The following SLC5A11 variants were observed in gnomAD, a reference collection of about 807,000 sequenced individuals.
The protein encoded by SLC5A11 is sodium/myo-inositol cotransporter 2.
Under a neutral mutation model 69.8 loss-of-function variants are expected in SLC5A11, and 48 were observed. The ratio of observed to expected loss-of-function variants is 0.69; its 90% CI spans 0.55 to 0.87. The LOEUF (loss-of-function observed/expected upper bound fraction) is 0.87, where lower values mean the gene tolerates loss of function less well. Ranked by LOEUF, SLC5A11 falls within the 40% of genes least tolerant of loss-of-function variation. The probability of loss-of-function intolerance (pLI) is 0.00; values close to 1 mark genes in which losing one functional copy is unlikely to be tolerated. For synonymous variants in SLC5A11, 319 were observed against 342.4 expected, an observed-to-expected ratio of 0.93 and a Z score of 0.75; for missense variants, 784 against 866.1, an observed-to-expected ratio of 0.91 and a Z score of 1.19.
chr16:24,872,318 C>T, intron 5 of SLC5A11, 99 bp downstream of exon 6: 1 of 1,391,038 alleles, frequency 7.2e-7, no homozygotes, highest in East Asian at 2.3e-5. Flanking sequence ...CCCTCCTGCC[C>T]ATGGTCATGT....
intron 15 of SLC5A11, 122 bp from the exon 17 acceptor site, chr16:24,911,206 T>A: frequency 9.4e-6 from 7 of 744,114 alleles, no homozygotes; most frequent in Non-Finnish European, 1.4e-5. Context: ...CAGTCGGGCA[T>A]AGTGGATGGT....
exon 9 of SLC5A11, chr16:24,890,955 G>A (rs776391529): frequency 3.1e-6 from 5 of 1,614,002 alleles, no homozygotes; most frequent in East Asian, 2.2e-5. Context: ...CAGCAGCTGC[G>A]GGCTGCCCCG....
At chr16:24,849,589 A>ATACATATATATATATATATATAT in intron 1 of SLC5A11, among the ~76,000 whole-genome samples, 1 of 63,780 alleles carries the variant, frequency 1.6e-5, no homozygotes, top group Non-Finnish European at 3.3e-5. Flanking sequence ...AAAAAAAAAA[A>ATACATATATATATATATATATAT]AAAAATATAT....
chr16:24,870,462 CACAA>C (rs965591648), intron 4 of SLC5A11, among the ~76,000 whole-genome samples: 4 of 150,396 alleles, frequency 2.7e-5, no homozygotes, highest in Non-Finnish European at 5.9e-5. Context: ...CACACACACA[CACAA>C]ACCCAAAAAA....
chr16:24,890,407 C>T (rs1407359508), intron 8 of SLC5A11, among the ~76,000 whole-genome samples: 1 of 137,510 alleles, frequency 7.3e-6, no homozygotes, highest in Non-Finnish European at 1.5e-5. Flanking sequence ...TCGTTTGAAC[C>T]TGGGAGGCGG....
intron 7 of SLC5A11, among the ~76,000 whole-genome samples, chr16:24,879,220 C>G (rs1597133342): frequency 6.6e-6 from 1 of 151,358 alleles, no homozygotes; most frequent in East Asian, 1.9e-4. Flanking sequence ...TCACCTTCGA[C>G]TTTGATTTTA....
At chr16:24,907,305 T>C in intron 12 of SLC5A11, 130 bp downstream of exon 13, 1 of 1,020,308 alleles carries the variant, frequency 9.8e-7, no homozygotes. Flanking sequence ...AAGACATTCA[T>C]TCATTCAGGA....
rs148096402 is a variant in SLC5A11, at chr16:24,905,628, A to ACGCGCGCGCG, written c.1007-1025_1007-1016dup. 3.9e-4 allele frequency among the ~76,000 whole-genome samples: 50 copies of ACGCGCGCGCG among 128,636 alleles called. No individual in the cohort carries two copies. In the South Asian group the frequency reaches 4.3e-3, roughly 11 times the overall value. 84.4% of individuals were successfully genotyped at this position (128,636 alleles called of 152,430 possible). On this transcript the variant is annotated intron_variant, in intron 10 of 15. Transcript: ENST00000347898. The stretch of plus-strand genomic sequence containing the variant: ...CAGAGCAAGACCCCATCTCAAAAAC[A>ACGCGCGCGCG]CGCGCGCGCGCGCACACACACACAC...
chr16:24,897,253 C>T (rs2049248962), intron 9 of SLC5A11, among the ~76,000 whole-genome samples: 1 of 152,058 alleles, frequency 6.6e-6, no homozygotes, highest in Admixed American at 6.6e-5. Context: ...TGCACCCAGC[C>T]TCCTTTGCCT....
At chr16:24,885,002 A>G (rs1271033933) in intron 8 of SLC5A11, among the ~76,000 whole-genome samples, 2 of 152,078 alleles carry the variant, frequency 1.3e-5, no homozygotes, top group Non-Finnish European at 2.9e-5. Context: ...TCGGCCTCCC[A>G]AAGTGCTGAA....
At chr16:24,866,499 A>G (rs905535793) in intron 3 of SLC5A11, among the ~76,000 whole-genome samples, 1 of 151,666 alleles carries the variant, frequency 6.6e-6, no homozygotes, top group Non-Finnish European at 1.5e-5. Flanking sequence ...GGATCACTTG[A>G]GCCCAGGAGG....
In SLC5A11 at chr16:24,910,301, C is replaced by T. The variant is rs1478451497; in HGVS notation, c.1651-5C>T. On this transcript the variant is annotated splice_polypyrimidine_tract_variant and splice_region_variant and intron_variant, in intron 14 of 15. Transcript: ENST00000347898. The stretch of plus-strand genomic sequence containing the variant: ...CAAATCTCATCATTCATCCCTGCTC[C>T]TTAGGTCAGCCACCTGACCTGGTTT... 6.2e-7 allele frequency: 1 copy of T among 1,613,956 alleles called. No individual in the cohort carries two copies. The highest frequency in any genetic ancestry group is 8.5e-7 in the Non-Finnish European group (1 of 1,179,950).
intron 9 of SLC5A11, among the ~76,000 whole-genome samples, chr16:24,892,455 A>AG (rs958215359): frequency 6.6e-6 from 1 of 151,866 alleles, no homozygotes; most frequent in Non-Finnish European, 1.5e-5. Context: ...AAAAAAAAAA[A>AG]AAAAGGAGAA....
chr16:24,871,782 A>C (rs1271825487), intron 4 of SLC5A11, among the ~76,000 whole-genome samples: 1 of 152,166 alleles, frequency 6.6e-6, no homozygotes. Context: ...CCAGGTGAGA[A>C]AAATGAGTCT....
At chr16:24,883,357 C>T (rs567081935) in intron 7 of SLC5A11, among the ~76,000 whole-genome samples, 2 of 152,138 alleles carry the variant, frequency 1.3e-5, no homozygotes, top group East Asian at 3.9e-4. Flanking sequence ...CAGAGTGAGA[C>T]CCTGGCTCTA....
intron 3 of SLC5A11, among the ~76,000 whole-genome samples, chr16:24,863,074 TTATATATTATATATAATAGA>T (rs1450157380): frequency 2.9e-5 from 4 of 138,290 alleles, no homozygotes; most frequent in South Asian, 2.2e-4. Context: ...TATATATGAT[TTATATATTATATATAATAGA>T]TATATATTAT....
chr16:24,908,019 C>A lies in SLC5A11; in HGVS notation c.1322C>A (p.Ala441Asp), dbSNP rs780453708. The change falls in exon 13 of 16, where the codon GCC becomes GAC. Residue 441 changes from alanine to aspartate, a missense_variant. Around this residue, in one of 3 missense-constraint regions of SLC5A11, gnomAD observed 550 missense variants for 606.4 expected, o/e 0.91. Transcript: ENST00000347898. ...ATCCTCTGGATCCCTGTGGTCCAGG[C>A]CAGCCAGGGCGGCCAGCTCTTCATC... 1.5e-5 allele frequency: 24 copies of A among 1,613,876 alleles called. No individual in the cohort carries two copies. Among genetic ancestry groups the A allele is most frequent in the Non-Finnish European group, 2.0e-5 (24 of 1,179,832 alleles).
At chr16:24,905,631 C>T (rs936337089) in intron 10 of SLC5A11, among the ~76,000 whole-genome samples, 2 of 73,776 alleles carry the variant, frequency 2.7e-5, no homozygotes, top group Admixed American at 1.4e-4. Context: ...CAAAAACACG[C>T]GCGCGCGCGC....
At chr16:24,852,311 G>A (rs2059348817) in intron 1 of SLC5A11, among the ~76,000 whole-genome samples, 1 of 152,038 alleles carries the variant, frequency 6.6e-6, no homozygotes, top group Non-Finnish European at 1.5e-5. Flanking sequence ...CCTTGCACTG[G>A]GGTGTGGAAA....
Sources: allele counts gnomAD v4.1 joint callset (sites outside exome capture counted in the v4.1 genomes callset), GRCh38; gene constraint gnomAD v4.1.1; regional missense constraint gnomAD v4.1.1; transcripts MANE v1.5; gene names NCBI Gene and HGNC (gene_info 2026-07-23, HGNC 2026-07-21).